Variants in TENM2 observed in about 807,000 individuals in gnomAD.
TENM2 encodes the protein teneurin-2.
Under a neutral mutation model 245.2 loss-of-function variants are expected in TENM2, and 52 were observed. The ratio of observed to expected loss-of-function variants is 0.21; its 90% CI spans 0.17 to 0.27. The LOEUF (loss-of-function observed/expected upper bound fraction) is 0.27. TENM2 is among the 10% of genes least tolerant of loss of function. TENM2 has a pLI of 1.00. For missense variants in TENM2, 3,046 were observed against 3,666.8 expected (o/e 0.83, Z 4.37); for synonymous variants, 1,363 against 1,438.9 (o/e 0.95, Z 1.19).
chr5:167,017,537 T>A, the TENM2 span, among the ~76,000 whole-genome samples: 13 of 152,142 alleles, frequency 8.5e-5, no homozygotes, highest in African/African-American at 3.1e-4. Context: ...TAGCAATAAA[T>A]GGGGTGGGCC....
intron 2 of TENM2, among the ~76,000 whole-genome samples, chr5:167,539,744 C>T (rs1253484272): frequency 6.6e-6 from 1 of 152,032 alleles, no homozygotes; most frequent in East Asian, 1.9e-4. Flanking sequence ...TTGACACATC[C>T]CTATTATATC....
intron 2 of TENM2, among the ~76,000 whole-genome samples, chr5:167,637,675 T>C (rs1779291245): frequency 2.0e-5 from 3 of 152,248 alleles, no homozygotes; most frequent in Admixed American, 1.3e-4. Flanking sequence ...TGCAGGGACA[T>C]GGATGAAGCT....
intron 6 of TENM2, among the ~76,000 whole-genome samples, chr5:168,059,347 G>A (rs1789835437): frequency 6.6e-6 from 1 of 152,216 alleles, no homozygotes; most frequent in South Asian, 2.1e-4. Context: ...ACTCGTGGGT[G>A]CTGATTTCCT....
intron 13 of TENM2, among the ~76,000 whole-genome samples, chr5:168,174,228 T>G (rs1252749026): frequency 6.6e-6 from 1 of 152,142 alleles, no homozygotes; most frequent in African/African-American, 2.4e-5. Flanking sequence ...TTGCCTCCAT[T>G]GCACATGGGC....
intron 1 of TENM2, among the ~76,000 whole-genome samples, chr5:167,356,469 G>A (rs1237212911): frequency 1.3e-5 from 2 of 152,090 alleles, no homozygotes; most frequent in African/African-American, 2.4e-5. Flanking sequence ...CTGGATTCTG[G>A]GAGATATTTT....
chr5:167,625,579 C>T (rs1478375997), intron 2 of TENM2, among the ~76,000 whole-genome samples: 1 of 152,112 alleles, frequency 6.6e-6, no homozygotes, highest in African/African-American at 2.4e-5. Flanking sequence ...GAGGTAAAAA[C>T]CACTATAAGT....
chr5:168,022,469 G>A (rs1373525540), intron 5 of TENM2, among the ~76,000 whole-genome samples: 2 of 152,228 alleles, frequency 1.3e-5, no homozygotes, highest in Non-Finnish European at 2.9e-5. Flanking sequence ...TGTTTTCATT[G>A]TCTAGCCACC....
chr5:167,518,839 C>T (rs1005204452), intron 2 of TENM2, among the ~76,000 whole-genome samples: 1 of 152,106 alleles, frequency 6.6e-6, no homozygotes, highest in Non-Finnish European at 1.5e-5. Context: ...GGGCCAGTGG[C>T]AGGATCTTTT....
the TENM2 span, among the ~76,000 whole-genome samples, chr5:167,127,215 C>T: frequency 6.6e-6 from 1 of 152,088 alleles, no homozygotes; most frequent in Non-Finnish European, 1.5e-5. Context: ...AAAACAGTCC[C>T]TTTTAAAAAC....
chr5:167,158,412 C>G, the TENM2 span, among the ~76,000 whole-genome samples: 2 of 152,132 alleles, frequency 1.3e-5, no homozygotes, highest in Admixed American at 1.3e-4. Flanking sequence ...CTTTATCACC[C>G]AGGACATATC....
intron 2 of TENM2, among the ~76,000 whole-genome samples, chr5:167,662,229 T>C (rs1238435421): frequency 6.6e-6 from 1 of 152,084 alleles, no homozygotes; most frequent in Non-Finnish European, 1.5e-5. Flanking sequence ...AAGAGGAGAT[T>C]CTTGCTAGAT....
chr5:168,145,574 G>A (rs1173531885), intron 12 of TENM2, among the ~76,000 whole-genome samples: 34 of 150,592 alleles, frequency 2.3e-4, no homozygotes, highest in African/African-American at 6.3e-4. Flanking sequence ...TGCTGTTTTG[G>A]TTACTGTAGC....
chr5:167,025,299 G>A, the TENM2 span, among the ~76,000 whole-genome samples: 2 of 152,132 alleles, frequency 1.3e-5, no homozygotes, highest in Admixed American at 6.5e-5. Context: ...TTGGAATCCA[G>A]TGTGTATTTA....
intron 8 of TENM2, among the ~76,000 whole-genome samples, chr5:168,093,172 G>A (rs75530783): frequency 0.028 from 4,330 of 152,172 alleles, 190 homozygotes; most frequent in African/African-American, 0.098. Flanking sequence ...TCTGGGGTTC[G>A]GATTATTTCC....
chr5:167,749,950 A>G lies in TENM2; in HGVS notation c.503-126036A>G, dbSNP rs914216256. Among the ~76,000 whole-genome samples the G allele has an allele frequency of 2.6e-5, 4 of 152,150 alleles. 1 individual carries two copies. In the South Asian group the frequency reaches 8.3e-4, roughly 32 times the overall value. On this transcript the variant is annotated intron_variant, in intron 2 of 28. Coordinates refer to ENST00000518659, the Ensembl canonical transcript of TENM2. ...GGCTCAATCTCTGGCTACATTGCCT[A>G]TTCTGATAAAATCCTCTTCACCATC...
At chr5:167,435,014 G>A (rs1582037148) in intron 2 of TENM2, among the ~76,000 whole-genome samples, 1 of 152,174 alleles carries the variant, frequency 6.6e-6, no homozygotes, top group Non-Finnish European at 1.5e-5. Flanking sequence ...TCTAGTAGTT[G>A]ATGCCAACGT....
intron 2 of TENM2, among the ~76,000 whole-genome samples, chr5:167,812,955 C>T (rs1232396993): frequency 6.6e-6 from 1 of 152,110 alleles, no homozygotes; most frequent in Non-Finnish European, 1.5e-5. Context: ...AAAAGGCAGG[C>T]TACAGGGCAT....
At chr5:167,789,013 C>T (rs563920696) in intron 2 of TENM2, among the ~76,000 whole-genome samples, 3 of 152,322 alleles carry the variant, frequency 2.0e-5, no homozygotes, top group South Asian at 4.1e-4. Flanking sequence ...ATCTACTACA[C>T]GTCCTGTGAT....
At chr5:167,776,178 C>CACACACACACACACACAT (rs1366632636) in intron 2 of TENM2, among the ~76,000 whole-genome samples, 1 of 150,664 alleles carries the variant, frequency 6.6e-6, no homozygotes, top group African/African-American at 2.4e-5. Context: ...CACACACACA[C>CACACACACACACACACAT]ACACACACAC....
Sources: gnomAD v4.1 joint callset for allele counts (sites outside exome capture counted in the v4.1 genomes callset) on GRCh38, gnomAD v4.1.1 for gene constraint, MANE v1.5 for transcripts, NCBI Gene and HGNC (gene_info 2026-07-23, HGNC 2026-07-21) for gene names.